OR7D4: variants seen among roughly 807,000 people sequenced by gnomAD.
OR7D4 encodes the protein olfactory receptor family 7 subfamily D member 4.
For synonymous variants in OR7D4, 154 were observed against 158.4 expected (o/e 0.97, Z 0.21); for missense variants, 319 against 377.1 (o/e 0.85, Z 1.27).
chr19:9,215,857 A>G (rs952489726), intron 1 of OR7D4, among the ~76,000 whole-genome samples: 3 of 152,216 alleles, frequency 2.0e-5, no homozygotes, highest in African/African-American at 7.2e-5. Context: ...ATTCTGATCC[A>G]TGCATTAGTC....
chr19:9,210,745 C>T lies in OR7D4; in HGVS notation c.*3154G>A, dbSNP rs747661573. The T allele has an allele frequency of 6.6e-6, 1 of 151,404 alleles. No individual in the cohort carries two copies. The highest frequency in any genetic ancestry group is 2.4e-5 in the African/African-American group (1 of 40,918). The allele number at this position is 151,404 out of a possible 1,614,324, so 9.4% of individuals were successfully genotyped here. On this transcript the variant is annotated 3_prime_UTR_variant, in exon 2 of 2. Transcript: ENST00000641669. ...ACAGAGTCTACACTAGGGAGTTCTC[C>T]GCCTGAAGTGAGATGAGCTCTTTCT... is the stretch of plus-strand genomic sequence containing the variant.
intron 1 of OR7D4, among the ~76,000 whole-genome samples, chr19:9,216,803 G>T (rs1369153159): frequency 1.3e-5 from 2 of 152,158 alleles, no homozygotes; most frequent in African/African-American, 4.8e-5. Flanking sequence ...TGTTGGCCAG[G>T]TTGGTTTTGA....
chr19:9,212,648 A>G lies in OR7D4; in HGVS notation c.*1251T>C, dbSNP rs1307508773. 1 of 152,200 alleles carries G rather than the reference A, an allele frequency of 6.6e-6. No homozygotes were observed. The highest frequency in any genetic ancestry group is 6.5e-5 in the Admixed American group (1 of 15,272). The allele number at this position is 152,200 out of a possible 1,614,324, so 9.4% of individuals were successfully genotyped here. A position where few individuals can be genotyped will look rare whatever the true frequency, so the allele number is the denominator to read the frequency against. On this transcript the variant is annotated 3_prime_UTR_variant, in exon 2 of 2. Coordinates refer to ENST00000641669, the MANE Select transcript of OR7D4 (RefSeq NM_001005191.3). ...TTGTATTTCAAAGGGATAGCATGTC[A>G]GACTCATTCTGGCCAGTATATTACT... is the stretch of plus-strand genomic sequence containing the variant.
chr19:9,213,901 A>G lies in OR7D4; in HGVS notation c.937T>C (p.Ter313ArgextTer15), dbSNP rs2051188600. 1 of 1,612,276 alleles carries G rather than the reference A, an allele frequency of 6.2e-7. No individual in the cohort carries two copies. The highest frequency in any genetic ancestry group is 1.3e-5 in the African/African-American group (1 of 75,006). ...RLLSRADSCP[*>R] is the part of the protein sequence containing the mutation. ...CTTAGTTCTGAGGCCCTGATTTGTCATGGACAAGAGTCGGCCCTGCTGAGG... is the reference window on the plus strand; with the variant it reads ...CTTAGTTCTGAGGCCCTGATTTGTCGTGGACAAGAGTCGGCCCTGCTGAGG... The change falls in exon 2 of 2, where the codon TGA (stop) becomes CGA (arginine). Residue 313 changes from the stop codon to arginine (R), a stop_lost. Coordinates refer to ENST00000641669, the MANE Select transcript of OR7D4 (RefSeq NM_001005191.3).
At position 9,213,705 on chromosome 19, in the gene OR7D4, T is replaced by C. The variant is rs1335092893; in HGVS notation, c.*194A>G. On this transcript the variant is annotated 3_prime_UTR_variant, in exon 2 of 2. Coordinates refer to ENST00000641669, the MANE Select transcript of OR7D4 (RefSeq NM_001005191.3). ...GTGAGCCAAGATTGCACCACTGCAC[T>C]CTAGCCTGGGCGACAGAGCCAGACT... 3.5e-6 allele frequency: 2 copies of C among 573,472 alleles called. No individual in the cohort carries two copies. The highest frequency in any genetic ancestry group is 3.8e-5 in the African/African-American group (2 of 53,296). 35.5% of individuals were successfully genotyped at this position (573,472 alleles called of 1,614,324 possible). A position where few individuals can be genotyped will look rare whatever the true frequency, so the allele number is the denominator to read the frequency against.
At chr19:9,214,871 A>G in intron 1 of OR7D4, 21 bp from the exon 2 acceptor site, 1 of 1,374,668 alleles carries the variant, frequency 7.3e-7, no homozygotes, top group Non-Finnish European at 1.0e-6. Flanking sequence ...AGGAGGAAAA[A>G]GCAACGTTTA....
At position 9,214,053 on chromosome 19, in the gene OR7D4, G is replaced by A; in HGVS notation, c.785C>T (p.Ser262Phe). The A allele has an allele frequency of 6.2e-7, 1 of 1,614,146 alleles. No individual in the cohort carries two copies. Among genetic ancestry groups the A allele is most frequent in the Non-Finnish European group, 8.5e-7 (1 of 1,180,034 alleles). The change falls in exon 2 of 2, where the codon TCT (serine) becomes TTT (phenylalanine). Residue 262 changes from serine (S) to phenylalanine (F), a missense_variant. Physicochemically the swap from Ser to Phe is radical, Grantham distance 155. Transcript: ENST00000641669. Reference protein sequence around the residue: ...YGTGLGVYLSSAVTHSSQSSS... With the variant: ...YGTGLGVYLSFAVTHSSQSSS... ...GCTCTGGGAAGAATGGGTCACAGCA[G>A]AACTCAGATAGACCCCAAGTCCTGT...
rs138489371 is a variant in OR7D4 at position 9,215,083 on chromosome 19, G to A, written c.-13-233C>T. Among the ~76,000 whole-genome samples the A allele has an allele frequency of 3.5e-4, 53 of 152,178 alleles. No individual in the cohort carries two copies. In the East Asian group the frequency reaches 7.5e-3, roughly 22 times the overall value. On this transcript the variant is annotated intron_variant, in intron 1 of 1. Coordinates refer to ENST00000641669, the MANE Select transcript of OR7D4 (RefSeq NM_001005191.3). ...TCTTTGGCCGGGCATGGTGGCTCAC[G>A]CCTGTAATCCCAGCACTTTGGGAGG...
intron 1 of OR7D4, 156 bp from the exon 2 acceptor site, chr19:9,215,006 A>G: frequency 1.7e-6 from 1 of 588,520 alleles, no homozygotes; most frequent in Non-Finnish European, 3.0e-6. Context: ...ATCTATTTTT[A>G]TTCTATTTGT....
chr19:9,216,585 CT>C (rs2051213013), intron 1 of OR7D4, among the ~76,000 whole-genome samples: 1 of 151,950 alleles, frequency 6.6e-6, no homozygotes, highest in African/African-American at 2.4e-5. Flanking sequence ...CACATATGAA[CT>C]TTTGTTCTTT....
chr19:9,214,712 G>A lies in OR7D4; in HGVS notation c.126C>T (p.Asn42=), dbSNP rs2051199070. 6.2e-6 allele frequency: 10 copies of A among 1,614,062 alleles called. No homozygotes were observed. The highest frequency in any genetic ancestry group is 8.5e-6 in the Non-Finnish European group (10 of 1,179,992). Residue 42 remains asparagine (N), a synonymous_variant, in exon 2 of 2, where the codon AAC becomes AAT. Transcript: ENST00000641669. ...LSMYLVTVLG[N]LLIILAVSSD... ...AGCTGACGGCCAGAATGATGAGCAGGTTCCCCAGCACCGTGACCAGGTACA... is the reference window on the plus strand; with the variant it reads ...AGCTGACGGCCAGAATGATGAGCAGATTCCCCAGCACCGTGACCAGGTACA...
intron 1 of OR7D4, among the ~76,000 whole-genome samples, chr19:9,215,499 C>T (rs193005413): frequency 6.6e-6 from 1 of 151,764 alleles, no homozygotes; most frequent in African/African-American, 2.4e-5. Flanking sequence ...AATCCCCATG[C>T]TTCCTTCATT....
rs148224553 is a variant in OR7D4, at chr19:9,218,516, A to C, written c.-14+684T>G. Among the ~76,000 whole-genome samples the C allele has an allele frequency of 2.0e-4, 31 of 152,342 alleles. 3 individuals are homozygous for C. The highest frequency in any genetic ancestry group is 7.2e-4 in the African/African-American group (30 of 41,574). On this transcript the variant is annotated intron_variant, in intron 1 of 1. Coordinates refer to ENST00000641669, the MANE Select transcript of OR7D4 (RefSeq NM_001005191.3). The stretch of plus-strand genomic sequence containing the variant: ...AACCCGATAAACAATGGTTGTTTTA[A>C]TACCACAGGCAACAAGATATGCTAT...
chr19:9,218,318 C>T (rs1411493791), intron 1 of OR7D4, among the ~76,000 whole-genome samples: 1 of 151,918 alleles, frequency 6.6e-6, no homozygotes, highest in Non-Finnish European at 1.5e-5. Flanking sequence ...GTAGTAATAC[C>T]AGCTCTAACA....
intron 1 of OR7D4, among the ~76,000 whole-genome samples, chr19:9,216,539 C>T (rs957746436): frequency 6.6e-6 from 1 of 152,020 alleles, no homozygotes; most frequent in Non-Finnish European, 1.5e-5. Context: ...TGTCATTTGT[C>T]TACTATGATT....
rs1007142774 is a variant in OR7D4 at position 9,211,550 on chromosome 19, G to C, written c.*2349C>G. On this transcript the variant is annotated 3_prime_UTR_variant, in exon 2 of 2. Coordinates refer to ENST00000641669, the MANE Select transcript of OR7D4 (RefSeq NM_001005191.3). Reference sequence around the variant, plus strand: ...TTAGAAACATAAATCTGAACTTCAAGAATGAAAGTAGTGGCTGGGTGTGGT... The same window carrying C: ...TTAGAAACATAAATCTGAACTTCAACAATGAAAGTAGTGGCTGGGTGTGGT... 1 of 152,094 alleles carries C rather than the reference G, an allele frequency of 6.6e-6. No homozygotes were observed. Among genetic ancestry groups the C allele is most frequent in the African/African-American group, 2.4e-5 (1 of 41,432 alleles). The allele number at this position is 152,094 out of a possible 1,614,324, so 9.4% of individuals were successfully genotyped here.
In OR7D4 at chr19:9,214,393, A is replaced by G. The variant is rs1401103190; in HGVS notation, c.445T>C (p.Trp149Arg). 1 of 1,614,084 alleles carries G rather than the reference A, an allele frequency of 6.2e-7. No individual in the cohort carries two copies. Among genetic ancestry groups the G allele is most frequent in the African/African-American group, 1.3e-5 (1 of 74,918 alleles). The change falls in exon 2 of 2, where the codon TGG (tryptophan) becomes CGG (arginine). Residue 149 changes from tryptophan (W) to arginine (R), a missense_variant. Physicochemically the swap from Trp to Arg is moderately radical, Grantham distance 101. Transcript: ENST00000641669. ...AGGGAGAACCAGAAAATGATGAACC[A>G]AGATGCCAGAACCAGGAGGCCACAG... ...CLCGLLVLAS[W>R]FIIFWFSLVH...
At chr19:9,218,119 C>T (rs879311942) in intron 1 of OR7D4, among the ~76,000 whole-genome samples, 6 of 152,198 alleles carry the variant, frequency 3.9e-5, no homozygotes, top group African/African-American at 1.4e-4. Flanking sequence ...CAAGGATTTA[C>T]GTGGTGCCCA....
chr19:9,218,920 C>G (rs1177226961), intron 1 of OR7D4, among the ~76,000 whole-genome samples: 1 of 151,840 alleles, frequency 6.6e-6, no homozygotes, highest in Non-Finnish European at 1.5e-5. Context: ...AGATGTGAGC[C>G]ACTACGTTCA....
Sources: gnomAD v4.1 joint callset for allele counts (sites outside exome capture counted in the v4.1 genomes callset) on GRCh38, gnomAD v4.1.1 for gene constraint, MANE v1.5 for transcripts, NCBI Gene and HGNC (gene_info 2026-07-23, HGNC 2026-07-21) for gene names.